Variants in ADCY10 observed in about 807,000 individuals in gnomAD.
The protein encoded by ADCY10 is adenylate cyclase 10.
ADCY10 carries 156 observed loss-of-function variants against 183.3 expected under a neutral mutation model. The ratio of observed to expected loss-of-function variants is 0.85; its 90% CI spans 0.75 to 0.97. The LOEUF (loss-of-function observed/expected upper bound fraction) is 0.97. Ranked by LOEUF, ADCY10 falls within the 50% of genes least tolerant of loss-of-function variation. The pLI is 0.00. For synonymous variants in ADCY10, 645 were observed against 670.0 expected, an observed-to-expected ratio of 0.96 and a Z score of 0.58; for missense variants, 1,745 against 1,934.3, an observed-to-expected ratio of 0.90 and a Z score of 1.84.
At chr1:167,861,131 T>G (rs958565596) in intron 14 of ADCY10, 68 bp from the exon 15 acceptor site, 2 of 1,337,978 alleles carry the variant, frequency 1.5e-6, no homozygotes, top group African/African-American at 2.9e-5. Context: ...TAATAGAGGT[T>G]GAAGGAAAGC....
At chr1:167,855,336 A>G (rs569768613) in intron 17 of ADCY10, among the ~76,000 whole-genome samples, 1 of 151,774 alleles carries the variant, frequency 6.6e-6, no homozygotes, top group East Asian at 1.9e-4. Context: ...CAAAAAACAA[A>G]CAAACAAACA....
chr1:167,903,822 T>C (rs1422272489), intron 3 of ADCY10, 65 bp downstream of exon 3: 4 of 1,208,384 alleles, frequency 3.3e-6, no homozygotes, highest in Middle Eastern at 1.9e-4. Flanking sequence ...AGGTTATAAT[T>C]GACAACTACG....
At chr1:167,891,109 G>C (rs1668557138) in intron 8 of ADCY10, among the ~76,000 whole-genome samples, 1 of 151,992 alleles carries the variant, frequency 6.6e-6, no homozygotes, top group Non-Finnish European at 1.5e-5. Context: ...TTACAGGTGT[G>C]TGCCACCGCG....
At position 167,878,538 on chromosome 1, in the gene ADCY10, T is replaced by C. The variant is rs1462721463; in HGVS notation, c.1314A>G (p.Pro438=). The change falls in exon 12 of 33, where the codon CCA becomes CCG. Residue 438 remains proline, a synonymous_variant. Transcript: ENST00000367851. ...DSVTYNGSNL[P]AYFFKELPKK... is the part of the protein sequence containing the mutation. ...TTGGAAGCTCTTTAAAAAAGTACGC[T>C]GGTAGGTTGCTCCCATTGTAGGTGA... 2.3e-5 allele frequency: 37 copies of C among 1,614,088 alleles called. No individual in the cohort carries two copies. Among genetic ancestry groups the C allele is most frequent in the Non-Finnish European group, 2.9e-5 (34 of 1,180,050 alleles).
chr1:167,860,357 T>C (rs765248839), intron 15 of ADCY10, among the ~76,000 whole-genome samples: 4 of 152,136 alleles, frequency 2.6e-5, no homozygotes, highest in Non-Finnish European at 5.9e-5. Context: ...CCTATGAGAA[T>C]CTAATGCTGC....
At chr1:167,857,050 G>T (rs1216348779) in intron 16 of ADCY10, among the ~76,000 whole-genome samples, 1 of 152,164 alleles carries the variant, frequency 6.6e-6, no homozygotes. Context: ...AGCATTTATT[G>T]TGCATCTATC....
rs56142912 is a variant in ADCY10, at chr1:167,905,121, T to A, written c.20A>T (p.Glu7Val). 5 of 1,614,224 alleles carry A rather than the reference T, an allele frequency of 3.1e-6. No individual in the cohort carries two copies. In the Admixed American group the frequency reaches 8.3e-5, roughly 27 times the overall value. Residue 7 changes from glutamate to valine, a missense_variant, in exon 2 of 33, where the codon GAA becomes GTA. Glu to Val is a moderately radical substitution (Grantham distance 121). Transcript: ENST00000367851. MNTPKEEFQDWPIVRIA... is the reference protein window; with the variant it reads MNTPKEVFQDWPIVRIA... ...TCTGACTATGGGCCAGTCCTGGAAT[T>A]CTTCTTTTGGAGTGTTCATGTTCAA...
chr1:167,863,556 C>T (rs569688569), intron 14 of ADCY10, among the ~76,000 whole-genome samples: 7 of 152,086 alleles, frequency 4.6e-5, no homozygotes, highest in South Asian at 4.2e-4. Flanking sequence ...GTTTTGTCTG[C>T]GGCTCATCCT....
chr1:167,888,372 T>C (rs559004301), intron 8 of ADCY10, among the ~76,000 whole-genome samples: 1 of 152,210 alleles, frequency 6.6e-6, no homozygotes, highest in Admixed American at 6.5e-5. Context: ...TTGGGTAGTA[T>C]GAACATTCTT....
rs1663989299 is a variant in ADCY10, at chr1:167,833,957, A to C, written c.3417+13T>G. 1 of 1,600,604 alleles carries C rather than the reference A, an allele frequency of 6.2e-7. No individual in the cohort carries two copies. The highest frequency in any genetic ancestry group is 1.1e-5 in the South Asian group (1 of 90,786). On this transcript the variant is annotated intron_variant, in intron 24 of 32. Transcript: ENST00000367851. The stretch of plus-strand genomic sequence containing the variant: ...ATATAACAGATAAATTCAAGTCTTT[A>C]ATGGTTTCTTACCTCACCTTTGAGG...
In ADCY10 at chr1:167,837,272, A is replaced by G; in HGVS notation, c.3054T>C (p.Ser1018=). The change falls in exon 22 of 33, where the codon TCT becomes TCC. Residue 1018 remains serine (S), a synonymous_variant. Coordinates refer to ENST00000367851, the MANE Select transcript of ADCY10 (RefSeq NM_018417.6). Reference sequence around the variant, plus strand: ...ACCTGCGATTTTCAGGAAAAAATGCAGATGTCTCAGGAATCTCTGAGTTGG... The same window carrying G: ...ACCTGCGATTTTCAGGAAAAAATGCGGATGTCTCAGGAATCTCTGAGTTGG... The part of the protein sequence containing the change: ...ILSNSEIPET[S]AFFPENRSPE... The G allele has an allele frequency of 6.2e-7, 1 of 1,614,106 alleles. No homozygotes were observed. The highest frequency in any genetic ancestry group is 8.5e-7 in the Non-Finnish European group (1 of 1,179,924).
chr1:167,824,221 G>T (rs1663110310), intron 28 of ADCY10, among the ~76,000 whole-genome samples: 1 of 152,118 alleles, frequency 6.6e-6, no homozygotes, highest in Non-Finnish European at 1.5e-5. Flanking sequence ...TACGTGGGAG[G>T]TTGAGGCAGG....
At chr1:167,832,172 TC>T (rs1327234405) in intron 25 of ADCY10, among the ~76,000 whole-genome samples, 2 of 152,156 alleles carry the variant, frequency 1.3e-5, no homozygotes, top group East Asian at 1.9e-4. Context: ...GCTACAGAGC[TC>T]CCCCAAGATG....
intron 1 of ADCY10, among the ~76,000 whole-genome samples, chr1:167,910,285 C>A (rs1670069402): frequency 6.6e-6 from 1 of 152,178 alleles, no homozygotes; most frequent in Non-Finnish European, 1.5e-5. Context: ...TTTTAAGATA[C>A]ATAAAAGTGT....
chr1:167,839,227 G>A (rs1430641151), intron 21 of ADCY10, among the ~76,000 whole-genome samples: 2 of 152,228 alleles, frequency 1.3e-5, no homozygotes, highest in African/African-American at 2.4e-5. Context: ...AATAGACAGC[G>A]ACATTCTTCA....
At chr1:167,858,389 T>C (rs941392376) in intron 16 of ADCY10, among the ~76,000 whole-genome samples, 9 of 149,220 alleles carry the variant, frequency 6.0e-5, no homozygotes, top group African/African-American at 2.0e-4. Flanking sequence ...TCCCAGCTAG[T>C]CGGGAGGCTG....
In ADCY10 at chr1:167,845,879, A is replaced by T. The variant is rs374256467; in HGVS notation, c.2717-26T>A. On this transcript the variant is annotated intron_variant, in intron 20 of 32. Coordinates refer to ENST00000367851, the MANE Select transcript of ADCY10 (RefSeq NM_018417.6). ...CTGGAGAGAGCAAAAAGGGTTTTTC[A>T]GCCAGGCAGTGGGCAACAGATCAGC... is the stretch of plus-strand genomic sequence containing the variant. The T allele has an allele frequency of 4.3e-6, 7 of 1,614,002 alleles. No homozygotes were observed. The African/African-American group carries it at 9.3e-5, about 22-fold the overall frequency.
chr1:167,836,213 C>G, intron 23 of ADCY10, 96 bp downstream of exon 23: 2 of 802,406 alleles, frequency 2.5e-6, no homozygotes, highest in South Asian at 2.9e-5. Flanking sequence ...GAATATACAA[C>G]GTGAAGTAAT....
intron 25 of ADCY10, among the ~76,000 whole-genome samples, chr1:167,831,181 G>T (rs1663700711): frequency 6.6e-6 from 1 of 151,014 alleles, no homozygotes; most frequent in Admixed American, 6.6e-5. Context: ...ACATGGACAG[G>T]GTAAAATCTC....
Sources: allele counts gnomAD v4.1 joint callset (sites outside exome capture counted in the v4.1 genomes callset), GRCh38; gene constraint gnomAD v4.1.1; transcripts MANE v1.5; gene names NCBI Gene and HGNC (gene_info 2026-07-23, HGNC 2026-07-21).